ZNF695: variants seen among roughly 807,000 people sequenced by gnomAD.
The protein encoded by ZNF695 is zinc finger protein 695.
ZNF695 carries 11 observed loss-of-function variants against 11.2 expected under a neutral mutation model. That is an observed-to-expected ratio of 0.98 (90% CI 0.62 to 1.62). ZNF695 has a LOEUF of 1.62. Ranked by LOEUF, ZNF695 falls within the 40% of genes most tolerant of loss-of-function variation. The probability of loss-of-function intolerance (pLI) is 0.00; values close to 1 mark genes in which losing one functional copy is unlikely to be tolerated. For missense variants in ZNF695, 559 were observed against 590.5 expected (o/e 0.95, Z 0.55); for synonymous variants, 190 against 201.4 (o/e 0.94, Z 0.48).
chr1:246,964,135 C>T (rs2103007529), intron 5 of ZNF695, among the ~76,000 whole-genome samples: 2 of 152,286 alleles, frequency 1.3e-5, no homozygotes, highest in East Asian at 3.9e-4. Context: ...GTGCATCGCC[C>T]TTCCAGCACC....
intron 5 of ZNF695, among the ~76,000 whole-genome samples, chr1:246,949,590 C>CA (rs11413731): frequency 0.36 from 38,273 of 106,280 alleles, 8,752 homozygotes; most frequent in African/African-American, 0.68. Context: ...GACCCTGTCT[C>CA]AAAAAAAAAG....
intron 5 of ZNF695, among the ~76,000 whole-genome samples, chr1:246,951,629 A>G (rs1667871576): frequency 6.6e-6 from 1 of 152,216 alleles, no homozygotes; most frequent in African/African-American, 2.4e-5. Context: ...TAGACCAGAA[A>G]CTAGAACAAA....
chr1:247,007,400 G>T (rs554543331), intron 1 of ZNF695, among the ~76,000 whole-genome samples: 1 of 149,538 alleles, frequency 6.7e-6, no homozygotes, highest in East Asian at 2.0e-4. Context: ...GGAGGCTGAG[G>T]CAGGAGAATC....
intron 4 of ZNF695, among the ~76,000 whole-genome samples, chr1:246,976,726 A>G (rs113608567): frequency 0.18 from 26,725 of 151,944 alleles, 2,416 homozygotes; most frequent in Middle Eastern, 0.22. Context: ...CCCGGGAGGC[A>G]GAGCTTGCAG....
At chr1:247,007,359 G>C (rs1048090695) in intron 1 of ZNF695, among the ~76,000 whole-genome samples, 2 of 151,980 alleles carry the variant, frequency 1.3e-5, no homozygotes, top group East Asian at 3.9e-4. Flanking sequence ...AGCTGGGCGT[G>C]GTGGTGGGCG....
intron 4 of ZNF695, among the ~76,000 whole-genome samples, chr1:246,970,213 A>T (rs2103011534): frequency 6.6e-6 from 1 of 152,374 alleles, no homozygotes; most frequent in African/African-American, 2.4e-5. Flanking sequence ...TGATTGAGAC[A>T]GATGTTCCCC....
At chr1:246,976,535 C>T (rs1450877758) in intron 4 of ZNF695, among the ~76,000 whole-genome samples, 2 of 152,116 alleles carry the variant, frequency 1.3e-5, no homozygotes, top group East Asian at 3.9e-4. Flanking sequence ...TGGCTCACAC[C>T]TGTAATCCCA....
Position 246,950,598 on chromosome 1 carries a change from T to A in ZNF695, c.489-4771A>T, listed in dbSNP as rs1273520265. On this transcript the variant is annotated intron_variant, in intron 5 of 5. Transcript: ENST00000487338. Reference sequence around the variant, plus strand: ...CCCGGGAGGCAGAGGTTGCAGTGAGTAGAGATTTCGTCACTGCACTCCAGC... The same window carrying A: ...CCCGGGAGGCAGAGGTTGCAGTGAGAAGAGATTTCGTCACTGCACTCCAGC... Among the ~76,000 whole-genome samples, 4 of 131,552 alleles carry A rather than the reference T, an allele frequency of 3.0e-5. No homozygotes were observed. The South Asian group carries it at 9.2e-4, about 30-fold the overall frequency. The allele number at this position is 131,552 out of a possible 152,430, so 86.3% of individuals were successfully genotyped here. A position where few individuals can be genotyped will look rare whatever the true frequency, so the allele number is the denominator to read the frequency against.
intron 4 of ZNF695, among the ~76,000 whole-genome samples, chr1:246,970,320 A>T (rs1316380455): frequency 6.6e-6 from 1 of 151,562 alleles, no homozygotes; most frequent in Admixed American, 6.6e-5. Context: ...CTCGGAGAGG[A>T]GGGAAACAGA....
chr1:246,960,861 C>T (rs1267342879), intron 5 of ZNF695, among the ~76,000 whole-genome samples: 2 of 152,102 alleles, frequency 1.3e-5, no homozygotes, highest in African/African-American at 4.8e-5. Context: ...TGAGCCTGGA[C>T]TGGTTGAGAT....
At chr1:246,967,367 G>A (rs987293678) in intron 5 of ZNF695, 11 of 456,410 alleles carry the variant, frequency 2.4e-5, no homozygotes, top group African/African-American at 2.2e-4. Flanking sequence ...AGAAATGCTG[G>A]TGGCCTGGAC....
At chr1:246,982,270 C>A (rs1357462327), downstream of ZNF695, among the ~76,000 whole-genome samples, 290 of 111,014 alleles carry the variant, frequency 2.6e-3, no homozygotes, top group Middle Eastern at 9.4e-3. Context: ...AACTTAGTCT[C>A]AAAAAAAAAA....
intron 4 of ZNF695, chr1:246,968,451 G>A (rs549016437): frequency 3.3e-5 from 5 of 152,502 alleles, no homozygotes; most frequent in African/African-American, 1.2e-4. Context: ...TCACAGGCTG[G>A]TGTTGAGTGC....
Position 246,985,910 on chromosome 1 carries a change from C to T in ZNF695, c.*1057G>A. On this transcript the variant is annotated 3_prime_UTR_variant, in exon 4 of 4. Transcript: ENST00000339986. ...AACACCCACCCGAATATAGAAGAAA[C>T]TCTCACAGCTTTCATGTAGCAACAG... 2 of 985,416 alleles carry T rather than the reference C, an allele frequency of 2.0e-6. No individual in the cohort carries two copies. Among genetic ancestry groups the T allele is most frequent in the Non-Finnish European group, 2.4e-6 (2 of 829,936 alleles). 61.0% of individuals were successfully genotyped at this position (985,416 alleles called of 1,614,324 possible). A position where few individuals can be genotyped will look rare whatever the true frequency, so the allele number is the denominator to read the frequency against.
intron 3 of ZNF695, among the ~76,000 whole-genome samples, chr1:246,995,813 CAAAAAAAAAAA>C (rs60375785): frequency 1.5e-4 from 10 of 66,760 alleles, no homozygotes; most frequent in African/African-American, 5.0e-5. Flanking sequence ...GACTCTGTCT[CAAAAAAAAAAA>C]AAAAAAAAAA....
At chr1:246,953,734 C>G (rs1043234428) in intron 5 of ZNF695, among the ~76,000 whole-genome samples, 1 of 151,766 alleles carries the variant, frequency 6.6e-6, no homozygotes, top group African/African-American at 2.4e-5. Flanking sequence ...ACCAGCCTGA[C>G]CAACGTGGTA....
chr1:246,971,635 CTGTT>C (rs1447889493), intron 4 of ZNF695, among the ~76,000 whole-genome samples: 1 of 152,192 alleles, frequency 6.6e-6, no homozygotes, highest in African/African-American at 2.4e-5. Flanking sequence ...GCTCCTATCT[CTGTT>C]TGGCCTGGTT....
chr1:246,964,797 G>A (rs1313311445), intron 5 of ZNF695, among the ~76,000 whole-genome samples: 1 of 152,162 alleles, frequency 6.6e-6, no homozygotes, highest in African/African-American at 2.4e-5. Context: ...CTTGCACCCA[G>A]GAGGTGGAGG....
At chr1:246,999,313 C>T (rs1022383199) in intron 3 of ZNF695, 35 bp downstream of exon 3, 3 of 1,521,974 alleles carry the variant, frequency 2.0e-6, no homozygotes, top group South Asian at 2.3e-5. Context: ...ATCCTTCAAC[C>T]CCTACCTGTG....
Sources: gnomAD v4.1 joint callset for allele counts (sites outside exome capture counted in the v4.1 genomes callset) on GRCh38, gnomAD v4.1.1 for gene constraint, MANE v1.5 for transcripts, NCBI Gene and HGNC (gene_info 2026-07-23, HGNC 2026-07-21) for gene names.